Variants in HMCN1 observed in about 807,000 individuals in gnomAD.
The protein encoded by HMCN1 is hemicentin-1.
Under a neutral mutation model 625.9 loss-of-function variants are expected in HMCN1, and 321 were observed. The observed-to-expected ratio is 0.51, with a 90% CI of 0.47 to 0.56. HMCN1 has a LOEUF of 0.56. Ranked by LOEUF, HMCN1 falls within the 20% of genes least tolerant of loss-of-function variation. The pLI is 0.00. For missense variants in HMCN1, 6,588 were observed against 6,887.3 expected (o/e 0.96, Z 1.54); for synonymous variants, 2,425 against 2,417.6 (o/e 1.00, Z -0.09).
At chr1:185,956,395 C>T (rs935910414) in intron 11 of HMCN1, among the ~76,000 whole-genome samples, 8 of 152,172 alleles carry the variant, frequency 5.3e-5, no homozygotes, top group African/African-American at 1.9e-4. Context: ...GTTCCTACAA[C>T]CCCCTCCTGG....
chr1:185,881,059 G>C (rs970611217), intron 4 of HMCN1, among the ~76,000 whole-genome samples: 1 of 152,196 alleles, frequency 6.6e-6, no homozygotes, highest in Non-Finnish European at 1.5e-5. Flanking sequence ...ATGTTACACT[G>C]CTCTTTTAGC....
chr1:185,755,356 TGTGGGGCAGGCAGTTTG>T (rs546531157), intron 1 of HMCN1, among the ~76,000 whole-genome samples: 1 of 152,350 alleles, frequency 6.6e-6, no homozygotes, highest in South Asian at 2.1e-4. Context: ...AGCCACACCC[TGTGGGGCAGGCAGTTTG>T]GCCTAAGGCT....
intron 77 of HMCN1, among the ~76,000 whole-genome samples, chr1:186,118,214 T>C (rs1246276461): frequency 6.6e-6 from 1 of 152,116 alleles, no homozygotes; most frequent in Non-Finnish European, 1.5e-5. Flanking sequence ...CGTTGGTGTT[T>C]CTAAAACTTA....
chr1:185,909,580 T>G, intron 5 of HMCN1, 72 bp downstream of exon 5: 1 of 1,321,288 alleles, frequency 7.6e-7, no homozygotes, highest in Non-Finnish European at 1.1e-6. Flanking sequence ...ACACACTTGT[T>G]TTTGTCAAGT....
In HMCN1 at chr1:186,125,678, G is replaced by C; in HGVS notation, c.12574G>C (p.Ala4192Pro). The C allele has an allele frequency of 6.2e-7, 1 of 1,612,906 alleles. No individual in the cohort carries two copies. The highest frequency in any genetic ancestry group is 8.5e-7 in the Non-Finnish European group (1 of 1,179,050). The change falls in exon 82 of 107, where the codon GCT becomes CCT. Residue 4192 changes from alanine to proline, a missense_variant. Ala to Pro is a conservative substitution (Grantham distance 27, BLOSUM62 -1). Transcript: ENST00000271588. ...ENSQAILPCV[A>P]DGIPTPAINW... is the part of the protein sequence containing the mutation. ...TTCACAAGCCATTCTTCCATGCGTA[G>C]CTGATGGAATCCCCACACCAGCAAT...
intron 82 of HMCN1, among the ~76,000 whole-genome samples, chr1:186,126,535 G>T (rs1339508839): frequency 6.6e-6 from 1 of 152,056 alleles, no homozygotes; most frequent in Non-Finnish European, 1.5e-5. Flanking sequence ...TTGTAAATAG[G>T]GTAGTCAGAG....
At chr1:186,164,538 C>T (rs541200771) in intron 97 of HMCN1, among the ~76,000 whole-genome samples, 19 of 152,090 alleles carry the variant, frequency 1.2e-4, no homozygotes, top group East Asian at 3.9e-4. Context: ...CCACCATGCC[C>T]GGCTAACTTA....
At chr1:185,975,739 G>A (rs1384616903) in intron 15 of HMCN1, among the ~76,000 whole-genome samples, 2 of 151,960 alleles carry the variant, frequency 1.3e-5, no homozygotes, top group East Asian at 3.8e-4. Flanking sequence ...ACTGATACAC[G>A]ATTTATTTAT....
chr1:185,739,267 G>A lies in HMCN1; in HGVS notation c.268+4220G>A, dbSNP rs568942050. 4.1e-4 allele frequency among the ~76,000 whole-genome samples: 62 copies of A among 152,224 alleles called. 1 individual carries two copies. The highest frequency in any genetic ancestry group is 1.5e-3 in the African/African-American group (61 of 41,536). ...CCACAATTTCTTTGTCTAGTCCATC[G>A]TTGATGGGCATCTAGGTTGATTCCA... On this transcript the variant is annotated intron_variant, in intron 1 of 106. Transcript: ENST00000271588.
In HMCN1 at chr1:186,183,247, T is replaced by G. The variant is rs141886839; in HGVS notation, c.16414+960T>G. Among the ~76,000 whole-genome samples, 139 of 152,282 alleles carry G rather than the reference T, an allele frequency of 9.1e-4. 9 individuals carry two copies. The East Asian group carries it at 0.013, about 14-fold the overall frequency. ...ATTGAATTTTTTTCTCTTTATGGGA[T>G]TCACAAAAGACTTGCTGCAATGCAG... On this transcript the variant is annotated intron_variant, in intron 105 of 106. Transcript: ENST00000271588.
In HMCN1 at chr1:185,800,471, A is replaced by C. The variant is rs531056151; in HGVS notation, c.269-45555A>C. On this transcript the variant is annotated intron_variant, in intron 1 of 106. Coordinates refer to ENST00000271588, the MANE Select transcript of HMCN1 (RefSeq NM_031935.3). ...TCCAGTCATCTGTTTAGTCTTTAGC[A>C]TTTCCAAGCTATAATTTCCCCCTCT... Among the ~76,000 whole-genome samples, 138 of 152,216 alleles carry C rather than the reference A, an allele frequency of 9.1e-4. 1 individual carries two copies. Among genetic ancestry groups the C allele is most frequent in the Middle Eastern group, 3.4e-3 (1 of 294 alleles).
At chr1:185,824,667 T>C (rs1660400919) in intron 1 of HMCN1, among the ~76,000 whole-genome samples, 1 of 152,176 alleles carries the variant, frequency 6.6e-6, no homozygotes, top group African/African-American at 2.4e-5. Context: ...GTCTACTATA[T>C]GTATTACTTT....
chr1:185,976,425 A>T (rs1358694265), intron 15 of HMCN1, among the ~76,000 whole-genome samples: 1 of 152,170 alleles, frequency 6.6e-6, no homozygotes, highest in Non-Finnish European at 1.5e-5. Context: ...TATGCTAAAA[A>T]AGCATTAATG....
Position 186,120,072 on chromosome 1 carries a change from T to C in HMCN1, c.12156T>C (p.Asp4052=). ...AGATCTCCAGAGCTGTCCGAGAGGATGCTGGCACTTACATGTGTGTGGCCC... is the reference window on the plus strand; with the variant it reads ...AGATCTCCAGAGCTGTCCGAGAGGACGCTGGCACTTACATGTGTGTGGCCC... The part of the protein sequence containing the change: ...GLQISRAVRE[D]AGTYMCVAQN... Residue 4052 remains aspartate, a synonymous_variant, in exon 80 of 107, where the codon GAT becomes GAC. Coordinates refer to ENST00000271588, the MANE Select transcript of HMCN1 (RefSeq NM_031935.3). The C allele has an allele frequency of 3.1e-6, 5 of 1,614,088 alleles. No homozygotes were observed. The highest frequency in any genetic ancestry group is 4.2e-6 in the Non-Finnish European group (5 of 1,179,980).
intron 64 of HMCN1, 38 bp from the exon 65 acceptor site, chr1:186,093,096 A>G (rs752712733): frequency 9.9e-6 from 16 of 1,611,984 alleles, no homozygotes; most frequent in Admixed American, 3.3e-5. Context: ...AATAGATTCA[A>G]TCTCATCTCA....
intron 68 of HMCN1, among the ~76,000 whole-genome samples, chr1:186,102,999 T>C (rs1660451858): frequency 6.6e-6 from 1 of 152,196 alleles, no homozygotes; most frequent in African/African-American, 2.4e-5. Flanking sequence ...TATTTTTTCT[T>C]CTGCTTAGTC....
intron 4 of HMCN1, among the ~76,000 whole-genome samples, chr1:185,901,780 C>A (rs940395707): frequency 6.6e-6 from 1 of 151,730 alleles, no homozygotes; most frequent in African/African-American, 2.4e-5. Flanking sequence ...CCAAAATAGA[C>A]CTAATCCCAG....
Position 185,845,657 on chromosome 1 carries a change from T to G in HMCN1, c.269-369T>G, listed in dbSNP as rs1661766719. On this transcript the variant is annotated intron_variant, in intron 1 of 106. Coordinates refer to ENST00000271588, the MANE Select transcript of HMCN1 (RefSeq NM_031935.3). Reference sequence around the variant, plus strand: ...TGCAAACAAATTTACACTTTAAAGTTGGGCAGACTGAATTATAGACGAATA... The same window carrying G: ...TGCAAACAAATTTACACTTTAAAGTGGGGCAGACTGAATTATAGACGAATA... 2.6e-5 allele frequency among the ~76,000 whole-genome samples: 4 copies of G among 152,226 alleles called. No individual in the cohort carries two copies. In the South Asian group the frequency reaches 8.3e-4, roughly 32 times the overall value.
At chr1:186,061,820 G>T in intron 46 of HMCN1, 31 bp from the exon 47 acceptor site, 1 of 1,477,766 alleles carries the variant, frequency 6.8e-7, no homozygotes, top group Admixed American at 1.7e-5. Flanking sequence ...TTCTTTTTAA[G>T]TTATCTTAAA....
Sources: allele counts gnomAD v4.1 joint callset (sites outside exome capture counted in the v4.1 genomes callset), GRCh38; gene constraint gnomAD v4.1.1; transcripts MANE v1.5; gene names NCBI Gene and HGNC (gene_info 2026-07-23, HGNC 2026-07-21).